Variants in NTPCR observed in about 807,000 individuals in gnomAD.
NTPCR encodes the protein cancer-related nucleoside-triphosphatase.
In NTPCR, 15 loss-of-function variants were observed where a neutral mutation model predicts 19.5. The ratio of observed to expected loss-of-function variants is 0.77; its 90% CI spans 0.51 to 1.18. The LOEUF is 1.18. Ranked by LOEUF, NTPCR falls within the 50% of genes most tolerant of loss-of-function variation. NTPCR has a pLI of 0.00. For synonymous variants in NTPCR, 90 were observed against 95.8 expected, an observed-to-expected ratio of 0.94 and a Z score of 0.36; for missense variants, 206 against 240.4, an observed-to-expected ratio of 0.86 and a Z score of 0.95.
rs544269780 is a variant in NTPCR, at chr1:232,980,754, C to A, written c.*2523C>A. ...GAAGAGGTGCCGTGGCAGAACTCCACGTGACCGTCCCCTCCCTGCACGCAG... is the reference window on the plus strand; with the variant it reads ...GAAGAGGTGCCGTGGCAGAACTCCAAGTGACCGTCCCCTCCCTGCACGCAG... On this transcript the variant is annotated 3_prime_UTR_variant, in exon 5 of 5. Coordinates refer to ENST00000366628, the MANE Select transcript of NTPCR (RefSeq NM_032324.3). The A allele has an allele frequency of 6.6e-6, 1 of 152,070 alleles. No individual in the cohort carries two copies. Among genetic ancestry groups the A allele is most frequent in the Non-Finnish European group, 1.5e-5 (1 of 68,028 alleles). 9.4% of individuals were successfully genotyped at this position (152,070 alleles called of 1,614,324 possible). A position where few individuals can be genotyped will look rare whatever the true frequency, so the allele number is the denominator to read the frequency against.
chr1:232,964,536 T>TA (rs1235383342), intron 3 of NTPCR: 3 of 152,252 alleles, frequency 2.0e-5, no homozygotes, highest in Non-Finnish European at 2.9e-5. Context: ...CATCTTAAGA[T>TA]AAAAATAATT....
chr1:232,951,004 G>T, intron 1 of NTPCR: 2 of 452,132 alleles, frequency 4.4e-6, no homozygotes, highest in East Asian at 3.8e-5. Flanking sequence ...GGCAGAAACC[G>T]CAGGGGCCAG....
chr1:232,978,548 A>T lies in NTPCR; in HGVS notation c.*317A>T, dbSNP rs182604659. The T allele has an allele frequency of 2.0e-4, 42 of 214,172 alleles. No homozygotes were observed. The highest frequency in any genetic ancestry group is 2.5e-4 in the Non-Finnish European group (27 of 107,100). 13.3% of individuals were successfully genotyped at this position (214,172 alleles called of 1,614,324 possible). A position where few individuals can be genotyped will look rare whatever the true frequency, so the allele number is the denominator to read the frequency against. Reference sequence around the variant, plus strand: ...GTTTTCAGAGTATTAGATGGAATTCACCCCCGTTGAAGTTTATAAATGTGT... The same window carrying T: ...GTTTTCAGAGTATTAGATGGAATTCTCCCCCGTTGAAGTTTATAAATGTGT... On this transcript the variant is annotated 3_prime_UTR_variant, in exon 5 of 5. Coordinates refer to ENST00000366628, the MANE Select transcript of NTPCR (RefSeq NM_032324.3).
intron 1 of NTPCR, among the ~76,000 whole-genome samples, chr1:232,951,319 G>A (rs1271483910): frequency 6.6e-6 from 1 of 151,422 alleles, no homozygotes; most frequent in East Asian, 1.9e-4. Context: ...GAGAAGCTTT[G>A]GTACCTACAG....
chr1:232,951,411 G>A lies in NTPCR; in HGVS notation c.34+667G>A, dbSNP rs557235025. The stretch of plus-strand genomic sequence containing the variant: ...CAGATCCCTCAACCCTGTGGCCTGT[G>A]GAGTTCTCATCTGAGAAGCAGGATA... On this transcript the variant is annotated intron_variant, in intron 1 of 4. Transcript: ENST00000366628. Among the ~76,000 whole-genome samples, 11 of 152,216 alleles carry A rather than the reference G, an allele frequency of 7.2e-5. No homozygotes were observed. The South Asian group carries it at 2.3e-3, about 32-fold the overall frequency.
At chr1:232,966,522 T>C (rs1026949615) in intron 3 of NTPCR, 6 of 152,172 alleles carry the variant, frequency 3.9e-5, no homozygotes, top group Non-Finnish European at 7.4e-5. Flanking sequence ...TTTTTAAAAG[T>C]ACATATAAAA....
chr1:232,975,534 A>C (rs1413411615), intron 4 of NTPCR, among the ~76,000 whole-genome samples: 1 of 152,156 alleles, frequency 6.6e-6, no homozygotes, highest in East Asian at 1.9e-4. Flanking sequence ...ACAAAACCAC[A>C]TGCATTTCCT....
rs562639172 is a variant in NTPCR, at chr1:232,974,939, C to T, written c.505-3224C>T. 7.2e-5 allele frequency among the ~76,000 whole-genome samples: 11 copies of T among 152,314 alleles called. No individual in the cohort carries two copies. In the South Asian group the frequency reaches 2.1e-3, roughly 29 times the overall value. ...GACACAGTCAAATCATAGCAGGTGA[C>T]TTATGGGTTCTTCAATAATTTGTTT... On this transcript the variant is annotated intron_variant, in intron 4 of 4. Coordinates refer to ENST00000366628, the MANE Select transcript of NTPCR (RefSeq NM_032324.3).
intron 1 of NTPCR, among the ~76,000 whole-genome samples, chr1:232,953,525 T>C (rs547516771): frequency 6.6e-6 from 1 of 152,318 alleles, no homozygotes; most frequent in South Asian, 2.1e-4. Flanking sequence ...ACAGGAATAG[T>C]TACCGTTGCT....
At position 232,956,388 on chromosome 1, in the gene NTPCR, A is replaced by G. The variant is rs1288664672; in HGVS notation, c.239A>G (p.Gln80Arg). The G allele has an allele frequency of 6.2e-7, 1 of 1,614,012 alleles. No homozygotes were observed. Among genetic ancestry groups the G allele is most frequent in the Admixed American group, 1.7e-5 (1 of 60,036 alleles). ...PPGKRECRVGQYVVDLTSFEQ... is the reference protein window; with the variant it reads ...PPGKRECRVGRYVVDLTSFEQ... Reference sequence around the variant, plus strand: ...GGAAAACGTGAATGCCGAGTTGGGCAGTATGTGGTCGACCTGACTTCTTTT... The same window carrying G: ...GGAAAACGTGAATGCCGAGTTGGGCGGTATGTGGTCGACCTGACTTCTTTT... Residue 80 changes from glutamine to arginine, a missense_variant, in exon 3 of 5, where the codon CAG (glutamine) becomes CGG (arginine). Coordinates refer to ENST00000366628, the MANE Select transcript of NTPCR (RefSeq NM_032324.3).
intron 3 of NTPCR, chr1:232,965,811 C>T (rs979679870): frequency 1.3e-5 from 2 of 152,278 alleles, no homozygotes; most frequent in African/African-American, 4.8e-5. Flanking sequence ...TTCAAGCGCT[C>T]TTCAGTCGGG....
chr1:232,975,783 G>T (rs977164954), intron 4 of NTPCR, among the ~76,000 whole-genome samples: 2 of 152,190 alleles, frequency 1.3e-5, no homozygotes, highest in Non-Finnish European at 2.9e-5. Flanking sequence ...GAATGGTTGG[G>T]ATTACTTTCT....
intron 4 of NTPCR, among the ~76,000 whole-genome samples, chr1:232,971,005 A>C (rs1280956883): frequency 6.6e-6 from 1 of 152,246 alleles, no homozygotes; most frequent in Non-Finnish European, 1.5e-5. Context: ...GCACTGCTGT[A>C]GACCACATGT....
At chr1:232,951,362 T>TC (rs1668361328) in intron 1 of NTPCR, among the ~76,000 whole-genome samples, 1 of 152,084 alleles carries the variant, frequency 6.6e-6, no homozygotes, top group African/African-American at 2.4e-5. Context: ...CTTGTTCCTG[T>TC]CGCTGTCCCC....
In NTPCR at chr1:232,981,047, C is replaced by T. The variant is rs1225895213; in HGVS notation, c.*2816C>T. On this transcript the variant is annotated 3_prime_UTR_variant, in exon 5 of 5. Coordinates refer to ENST00000366628, the MANE Select transcript of NTPCR (RefSeq NM_032324.3). Reference sequence around the variant, plus strand: ...AGAATCTCAGCTAGAATAACAAGGTCGGATGGGAGGAATCAGGACTGATTT... The same window carrying T: ...AGAATCTCAGCTAGAATAACAAGGTTGGATGGGAGGAATCAGGACTGATTT... 3 of 152,130 alleles carry T rather than the reference C, an allele frequency of 2.0e-5. No homozygotes were observed. Among genetic ancestry groups the T allele is most frequent in the Non-Finnish European group, 2.9e-5 (2 of 68,012 alleles). 9.4% of individuals were successfully genotyped at this position (152,130 alleles called of 1,614,324 possible).
intron 3 of NTPCR, among the ~76,000 whole-genome samples, chr1:232,959,553 G>A (rs1668610491): frequency 6.6e-6 from 1 of 151,982 alleles, no homozygotes; most frequent in Admixed American, 6.5e-5. Flanking sequence ...CTAGTGTTTT[G>A]TCTTTATACT....
In NTPCR at chr1:232,969,910, C is replaced by A; in HGVS notation, c.296C>A (p.Ala99Asp). 6.2e-7 allele frequency: 1 copy of A among 1,613,472 alleles called. No homozygotes were observed. Among genetic ancestry groups the A allele is most frequent in the Non-Finnish European group, 8.5e-7 (1 of 1,179,526 alleles). Residue 99 changes from alanine (A) to aspartate (D), a missense_variant and splice_region_variant, in exon 4 of 5, where the codon GCC becomes GAC. By Grantham distance (126) the Ala-to-Asp change is moderately radical. Coordinates refer to ENST00000366628, the MANE Select transcript of NTPCR (RefSeq NM_032324.3). The part of the protein sequence containing the change: ...EQLALPVLRN[A>D]DCSSGPGQRV... ...AGTGAAAGTCTTTGTCATTCTCAGG[C>A]CGACTGCAGCAGTGGCCCAGGGCAA...
intron 4 of NTPCR, among the ~76,000 whole-genome samples, chr1:232,971,635 G>A (rs6665368): frequency 2.7e-4 from 41 of 152,186 alleles, no homozygotes; most frequent in Non-Finnish European, 4.6e-4. Context: ...TGACCAAGGC[G>A]CTGCTTTCAT....
intron 3 of NTPCR, chr1:232,964,316 T>G (rs1350724416): frequency 2.6e-5 from 4 of 152,334 alleles, no homozygotes; most frequent in African/African-American, 7.2e-5. Context: ...GATGCATCCT[T>G]CTCGAGTATC....
Sources: allele counts gnomAD v4.1 joint callset (sites outside exome capture counted in the v4.1 genomes callset), GRCh38; gene constraint gnomAD v4.1.1; transcripts MANE v1.5; gene names NCBI Gene and HGNC (gene_info 2026-07-23, HGNC 2026-07-21).